GXYLT2: variants seen among roughly 807,000 people sequenced by gnomAD.
The protein encoded by GXYLT2 is glycosyltransferase 8 domain containing 4.
In GXYLT2, 53 loss-of-function variants were observed where a neutral mutation model predicts 45.8. That is an observed-to-expected ratio of 1.16 (90% CI 0.93 to 1.46). The LOEUF (loss-of-function observed/expected upper bound fraction) is 1.46, where lower values mean the gene tolerates loss of function less well. Among genes scored for constraint, GXYLT2 ranks in the 40% most tolerant of loss-of-function variants. GXYLT2 has a pLI of 0.00. For missense variants in GXYLT2, 551 were observed against 544.4 expected (o/e 1.01, Z -0.12); for synonymous variants, 219 against 214.2 (o/e 1.02, Z -0.19).
intron 1 of GXYLT2, among the ~76,000 whole-genome samples, chr3:72,891,553 A>AG (rs1214143158): frequency 6.6e-6 from 1 of 152,142 alleles, no homozygotes; most frequent in African/African-American, 2.4e-5. Context: ...TTTTCTGTCA[A>AG]GGGGGGATTT....
intron 2 of GXYLT2, among the ~76,000 whole-genome samples, chr3:72,910,948 G>C (rs1709605465): frequency 6.6e-6 from 1 of 152,116 alleles, no homozygotes; most frequent in Non-Finnish European, 1.5e-5. Context: ...ATACTAAAAA[G>C]CAAGGATGTG....
intron 4 of GXYLT2, among the ~76,000 whole-genome samples, chr3:72,956,586 G>A (rs1169630688): frequency 6.6e-6 from 1 of 152,110 alleles, no homozygotes; most frequent in South Asian, 2.1e-4. Context: ...TCCTGAAGTA[G>A]AGACTGCTGT....
At chr3:72,894,172 T>C (rs560386986) in intron 1 of GXYLT2, among the ~76,000 whole-genome samples, 1 of 152,274 alleles carries the variant, frequency 6.6e-6, no homozygotes, top group South Asian at 2.1e-4. Flanking sequence ...GTTTGGGCAG[T>C]AGAAAAAGAA....
chr3:72,964,515 G>A (rs1710826102), intron 5 of GXYLT2, among the ~76,000 whole-genome samples: 1 of 151,884 alleles, frequency 6.6e-6, no homozygotes, highest in Admixed American at 6.6e-5. Flanking sequence ...TAGAGGTGGG[G>A]TTTCACCATG....
intron 3 of GXYLT2, among the ~76,000 whole-genome samples, chr3:72,923,180 A>G (rs1326746475): frequency 1.3e-5 from 2 of 152,050 alleles, no homozygotes; most frequent in East Asian, 3.9e-4. Context: ...GCTTGAACCC[A>G]GGAGGCAGAG....
At chr3:72,945,231 C>CG (rs1412969860) in intron 3 of GXYLT2, among the ~76,000 whole-genome samples, 1 of 151,692 alleles carries the variant, frequency 6.6e-6, no homozygotes, top group East Asian at 1.9e-4. Context: ...GAGCTTGCAG[C>CG]GAGCTGAGAT....
At chr3:72,888,787 A>G (rs138211405) in intron 1 of GXYLT2, among the ~76,000 whole-genome samples, 440 of 152,202 alleles carry the variant, frequency 2.9e-3, no homozygotes, top group African/African-American at 9.9e-3. Flanking sequence ...GTATTTTTGC[A>G]CTCTTGCAAA....
At chr3:72,967,857 C>A in intron 6 of GXYLT2, 138 bp downstream of exon 6, 1 of 671,254 alleles carries the variant, frequency 1.5e-6, no homozygotes, top group Non-Finnish European at 2.6e-6. Context: ...CTCAGTCACG[C>A]TCTGTCACTA....
In GXYLT2 at chr3:72,975,240, G is replaced by A; in HGVS notation, c.*81G>A. On this transcript the variant is annotated 3_prime_UTR_variant, in exon 7 of 7. Coordinates refer to ENST00000389617, the MANE Select transcript of GXYLT2 (RefSeq NM_001080393.2). ...CTCTAAGCTGCCTGGGTCTTTTTGT[G>A]TGAATATTTAATGGTGCTCCATGAC... The A allele has an allele frequency of 9.1e-7, 1 of 1,097,276 alleles. No individual in the cohort carries two copies. Among genetic ancestry groups the A allele is most frequent in the Non-Finnish European group, 1.3e-6 (1 of 778,632 alleles). 68.0% of individuals were successfully genotyped at this position (1,097,276 alleles called of 1,614,324 possible).
At chr3:72,952,633 G>A (rs1032937628) in intron 3 of GXYLT2, among the ~76,000 whole-genome samples, 10 of 152,038 alleles carry the variant, frequency 6.6e-5, no homozygotes, top group African/African-American at 2.4e-4. Context: ...CTGAGATCAG[G>A]GTGTCAGCAT....
chr3:72,969,187 T>G (rs1248378343), intron 6 of GXYLT2, among the ~76,000 whole-genome samples: 1 of 151,880 alleles, frequency 6.6e-6, no homozygotes, highest in Non-Finnish European at 1.5e-5. Flanking sequence ...CTGGAGCCCT[T>G]TATGCAACTT....
rs530240424 is a variant in GXYLT2 at position 72,952,439 on chromosome 3, G to A, written c.601-2659G>A. Among the ~76,000 whole-genome samples, 11 of 152,222 alleles carry A rather than the reference G, an allele frequency of 7.2e-5. No individual in the cohort carries two copies. The East Asian group carries it at 2.1e-3, about 29-fold the overall frequency. ...CCTGTGGCTAATTCTGTGGGCTTCA[G>A]AATTACTCAGGTCTGAAGTTCCTTT... On this transcript the variant is annotated intron_variant, in intron 3 of 6. Coordinates refer to ENST00000389617, the MANE Select transcript of GXYLT2 (RefSeq NM_001080393.2).
intron 6 of GXYLT2, among the ~76,000 whole-genome samples, chr3:72,969,259 A>G (rs1044528450): frequency 3.7e-5 from 3 of 80,586 alleles, no homozygotes; most frequent in Admixed American, 3.3e-4. Flanking sequence ...AAATAAGGCA[A>G]GCCTCATGCT....
intron 2 of GXYLT2, among the ~76,000 whole-genome samples, chr3:72,915,354 TGC>T (rs1491254094): frequency 3.0e-4 from 10 of 33,484 alleles, no homozygotes; most frequent in African/African-American, 1.6e-3. Context: ...TTTTTTTTTT[TGC>T]GGGGGGGGGG....
chr3:72,960,047 G>A (rs13072541), intron 5 of GXYLT2, among the ~76,000 whole-genome samples: 11,097 of 152,208 alleles, frequency 0.073, 433 homozygotes, highest in Admixed American at 0.099. Context: ...CTGGGTTCAA[G>A]CGATTCTTCT....
At chr3:72,893,798 A>G (rs1709229306) in intron 1 of GXYLT2, among the ~76,000 whole-genome samples, 1 of 152,064 alleles carries the variant, frequency 6.6e-6, no homozygotes, top group Non-Finnish European at 1.5e-5. Context: ...AAAAGAGAGG[A>G]ATGTTTTTCC....
chr3:72,894,195 T>C (rs1709237240), intron 1 of GXYLT2, among the ~76,000 whole-genome samples: 1 of 152,234 alleles, frequency 6.6e-6, no homozygotes, highest in South Asian at 2.1e-4. Context: ...TACAGGTCCT[T>C]GAGGACACTG....
intron 2 of GXYLT2, among the ~76,000 whole-genome samples, chr3:72,920,549 G>A (rs1373836848): frequency 6.6e-6 from 1 of 152,068 alleles, no homozygotes; most frequent in Non-Finnish European, 1.5e-5. Flanking sequence ...GATTACAGGC[G>A]TGAGCCACCA....
chr3:72,966,176 A>C (rs965122113), intron 5 of GXYLT2, among the ~76,000 whole-genome samples: 1 of 151,578 alleles, frequency 6.6e-6, no homozygotes, highest in Non-Finnish European at 1.5e-5. Context: ...ACAGGGTTTC[A>C]TCATGTTGGT....
Sources: gnomAD v4.1 joint callset for allele counts (sites outside exome capture counted in the v4.1 genomes callset) on GRCh38, gnomAD v4.1.1 for gene constraint, MANE v1.5 for transcripts, NCBI Gene and HGNC (gene_info 2026-07-23, HGNC 2026-07-21) for gene names.